Variants in MYCBP2 observed in about 807,000 individuals in gnomAD.
MYCBP2 encodes the protein MYC binding protein 2.
In MYCBP2, 120 loss-of-function variants were observed where a neutral mutation model predicts 525.3. That is an observed-to-expected ratio of 0.23 (90% CI 0.20 to 0.27). MYCBP2 has a LOEUF of 0.27. Among genes scored for constraint, MYCBP2 ranks in the 10% least tolerant of loss-of-function variants. The probability of loss-of-function intolerance (pLI) is 1.00; values close to 1 mark genes in which losing one functional copy is unlikely to be tolerated. For missense variants in MYCBP2, 4,149 were observed against 5,657.1 expected (o/e 0.73, Z 8.55); for synonymous variants, 1,894 against 1,955.8 (o/e 0.97, Z 0.83).
At chr13:77,187,341 T>C (rs1244772649) in intron 30 of MYCBP2, among the ~76,000 whole-genome samples, 3 of 152,178 alleles carry the variant, frequency 2.0e-5, no homozygotes, top group South Asian at 2.1e-4. Flanking sequence ...AAAGTTCTCA[T>C]AGTCTTTTAT....
chr13:77,178,739 C>T (rs895202970), intron 34 of MYCBP2, among the ~76,000 whole-genome samples: 4 of 152,166 alleles, frequency 2.6e-5, no homozygotes, highest in Non-Finnish European at 5.9e-5. Context: ...AAGAAATATT[C>T]ATCTCTAAGC....
chr13:77,128,316 C>A (rs2052065843), intron 52 of MYCBP2, among the ~76,000 whole-genome samples: 1 of 151,874 alleles, frequency 6.6e-6, no homozygotes, highest in South Asian at 2.1e-4. Flanking sequence ...ATCCCACTCA[C>A]AACTGATTCT....
chr13:77,307,146 G>C (rs946656266), intron 1 of MYCBP2, among the ~76,000 whole-genome samples: 1 of 152,050 alleles, frequency 6.6e-6, no homozygotes, highest in Non-Finnish European at 1.5e-5. Context: ...ATGTCCCTGA[G>C]ACCTTTTCAA....
intron 52 of MYCBP2, among the ~76,000 whole-genome samples, chr13:77,132,102 C>CT (rs1288298540): frequency 2.0e-5 from 3 of 152,050 alleles, no homozygotes; most frequent in African/African-American, 7.2e-5. Flanking sequence ...GTTTACGAAA[C>CT]TTTAACACTA....
chr13:77,167,226 T>C (rs956523779), intron 40 of MYCBP2, among the ~76,000 whole-genome samples: 4 of 152,142 alleles, frequency 2.6e-5, no homozygotes, highest in Admixed American at 2.6e-4. Flanking sequence ...TATACATTTA[T>C]GTATATACAT....
intron 2 of MYCBP2, among the ~76,000 whole-genome samples, chr13:77,289,596 T>A (rs747573662): frequency 6.6e-6 from 1 of 152,080 alleles, no homozygotes; most frequent in Non-Finnish European, 1.5e-5. Flanking sequence ...ACAGCTAACA[T>A]GGTAATAGAC....
At chr13:77,071,267 A>ACACG (rs1164121551) in intron 68 of MYCBP2, among the ~76,000 whole-genome samples, 9 of 119,660 alleles carry the variant, frequency 7.5e-5, no homozygotes, top group Admixed American at 6.1e-4. Context: ...ACGTGTGTGC[A>ACACG]CACGCACACA....
chr13:77,225,489 G>A lies in MYCBP2; in HGVS notation c.2803C>T (p.Arg935Ter). ...ACTGCCCGGAGCTCACAGTCAAATC[G>A]CACAGAGCCTGGAGGGTATGTTGTG... ...KITTYPPGSV[R>*]FDCELRAVQV... Residue 935 changes from arginine (R) to a stop codon, truncating the protein, a stop_gained, in exon 19 of 83, where the codon CGA becomes TGA. Transcript: ENST00000544440. LOFTEE classifies it high-confidence loss of function. The A allele has an allele frequency of 6.2e-7, 1 of 1,613,686 alleles. No homozygotes were observed. The highest frequency in any genetic ancestry group is 8.5e-7 in the Non-Finnish European group (1 of 1,179,752).
chr13:77,218,613 C>T (rs562687046), intron 20 of MYCBP2, among the ~76,000 whole-genome samples: 44 of 152,278 alleles, frequency 2.9e-4, no homozygotes, highest in Admixed American at 2.7e-3. Flanking sequence ...TACTAACAAA[C>T]GGTGTCTACC....
rs1277678500 is a variant in MYCBP2, at chr13:77,294,110, A to ATATATATATG, written c.378+2488_378+2489insCATATATATA. 5.5e-4 allele frequency among the ~76,000 whole-genome samples: 28 copies of ATATATATATG among 51,168 alleles called. No homozygotes were observed. The East Asian group carries it at 0.01, about 19-fold the overall frequency. The allele number at this position is 51,168 out of a possible 152,430, so 33.6% of individuals were successfully genotyped here. ...CATAAAGTAGATATAATGGCTATAT[A>ATATATATATG]TATATATATATATATATATACATAT... On this transcript the variant is annotated intron_variant, in intron 2 of 82. Coordinates refer to ENST00000544440, the MANE Select transcript of MYCBP2 (RefSeq NM_015057.5).
chr13:77,280,315 T>A (rs1298666766), intron 3 of MYCBP2, among the ~76,000 whole-genome samples: 2 of 152,188 alleles, frequency 1.3e-5, no homozygotes, highest in East Asian at 3.8e-4. Context: ...ATTAAACACA[T>A]TAAGTGATTA....
chr13:77,139,820 C>T (rs1233605583), intron 51 of MYCBP2, among the ~76,000 whole-genome samples: 1 of 152,092 alleles, frequency 6.6e-6, no homozygotes, highest in Non-Finnish European at 1.5e-5. Context: ...AATACTATGT[C>T]GAACATTGTT....
intron 55 of MYCBP2, among the ~76,000 whole-genome samples, chr13:77,120,512 C>T (rs1411847984): frequency 8.5e-5 from 13 of 152,286 alleles, no homozygotes; most frequent in East Asian, 1.9e-4. Flanking sequence ...CCCTTGGAAT[C>T]AAGTCCTGTG....
chr13:77,305,322 G>A (rs542663005), intron 1 of MYCBP2, among the ~76,000 whole-genome samples: 1 of 152,152 alleles, frequency 6.6e-6, no homozygotes, highest in Non-Finnish European at 1.5e-5. Flanking sequence ...ATAAAGTGTA[G>A]CACTTCCATA....
Position 77,061,888 on chromosome 13 carries a change from C to A in MYCBP2, c.12775-98G>T, listed in dbSNP as rs958425965. The A allele has an allele frequency of 2.6e-5, 32 of 1,231,664 alleles. No homozygotes were observed. The African/African-American group carries it at 4.1e-4, about 16-fold the overall frequency. The allele number at this position is 1,231,664 out of a possible 1,614,324, so 76.3% of individuals were successfully genotyped here. The stretch of plus-strand genomic sequence containing the variant: ...TTATTTACAAAAATAAACCGTTATT[C>A]GGAAGTCTATTAAGAATTTAGAATC... On this transcript the variant is annotated intron_variant, in intron 74 of 82. Coordinates refer to ENST00000544440, the MANE Select transcript of MYCBP2 (RefSeq NM_015057.5).
At chr13:77,062,444 T>G in intron 74 of MYCBP2, 152 bp downstream of exon 74, 1 of 652,970 alleles carries the variant, frequency 1.5e-6, no homozygotes, top group Non-Finnish European at 2.6e-6. Context: ...AATAGACTTG[T>G]GAGATGAACT....
chr13:77,318,352 T>G (rs184068335), intron 1 of MYCBP2, among the ~76,000 whole-genome samples: 59 of 152,340 alleles, frequency 3.9e-4, no homozygotes, highest in Non-Finnish European at 7.3e-4. Context: ...GTAGTGTTTA[T>G]TAAGTAGTTA....
intron 52 of MYCBP2, 115 bp downstream of exon 52, chr13:77,139,076 TGTAAA>T: frequency 8.8e-7 from 1 of 1,137,230 alleles, no homozygotes; most frequent in South Asian, 2.0e-5. Flanking sequence ...TTCAAGAAAT[TGTAAA>T]GTAAAGGTTA....
intron 73 of MYCBP2, 116 bp from the exon 74 acceptor site, chr13:77,062,813 T>C (rs954646066): frequency 1.3e-6 from 1 of 754,648 alleles, no homozygotes; most frequent in Non-Finnish European, 2.2e-6. Context: ...AATACATAGA[T>C]ACTCAGTGGC....
Sources: gnomAD v4.1 joint callset for allele counts (sites outside exome capture counted in the v4.1 genomes callset) on GRCh38, gnomAD v4.1.1 for gene constraint, MANE v1.5 for transcripts, NCBI Gene and HGNC (gene_info 2026-07-23, HGNC 2026-07-21) for gene names.